Variants in ACTN1 observed in about 807,000 individuals in gnomAD.
ACTN1 encodes actinin alpha 1.
Under a neutral mutation model 119.6 loss-of-function variants are expected in ACTN1, and 30 were observed. The ratio of observed to expected loss-of-function variants is 0.25; its 90% CI spans 0.19 to 0.34. The LOEUF is 0.34. Ranked by LOEUF, ACTN1 falls within the 10% of genes least tolerant of loss-of-function variation. The probability of loss-of-function intolerance (pLI) is 1.00; values close to 1 mark genes in which losing one functional copy is unlikely to be tolerated. For missense variants in ACTN1, 764 were observed against 1,223.4 expected (o/e 0.62, Z 5.60); for synonymous variants, 429 against 472.6 (o/e 0.91, Z 1.20).
At chr14:68,881,794 C>T (rs2031534274) in intron 16 of ACTN1, among the ~76,000 whole-genome samples, 10 of 151,976 alleles carry the variant, frequency 6.6e-5, no homozygotes, top group Admixed American at 5.9e-4. Context: ...CTGGGAAGAT[C>T]AATCATTTTC....
At position 68,979,117 on chromosome 14, in the gene ACTN1, G is replaced by T; in HGVS notation, c.-61C>A. 2 of 1,047,816 alleles carry T rather than the reference G, an allele frequency of 1.9e-6. No homozygotes were observed. The highest frequency in any genetic ancestry group is 1.4e-6 in the Non-Finnish European group (1 of 725,856). The allele number at this position is 1,047,816 out of a possible 1,614,324, so 64.9% of individuals were successfully genotyped here. A position where few individuals can be genotyped will look rare whatever the true frequency, so the allele number is the denominator to read the frequency against. ...TCCACCTTCTCTCTGAGCAACGGCT[G>T]CTGCCCTGGCGTGGGGAGGGAGTAG... is the stretch of plus-strand genomic sequence containing the variant. On this transcript the variant is annotated 5_prime_UTR_variant, in exon 1 of 22. Coordinates refer to ENST00000394419, the MANE Select transcript of ACTN1 (RefSeq NM_001130004.2).
intron 10 of ACTN1, among the ~76,000 whole-genome samples, chr14:68,891,241 C>G (rs943258591): frequency 2.0e-5 from 3 of 152,164 alleles, no homozygotes; most frequent in Admixed American, 6.5e-5. Flanking sequence ...AAATTTCTTA[C>G]ATTTTCTTCT....
At chr14:68,952,093 G>A (rs2036190091) in intron 1 of ACTN1, among the ~76,000 whole-genome samples, 1 of 152,220 alleles carries the variant, frequency 6.6e-6, no homozygotes, top group Admixed American at 6.5e-5. Flanking sequence ...TGAGAGCTGA[G>A]GGAGGTCTGG....
At chr14:68,930,777 A>G (rs1053320521) in intron 1 of ACTN1, among the ~76,000 whole-genome samples, 3 of 152,242 alleles carry the variant, frequency 2.0e-5, no homozygotes, top group African/African-American at 7.2e-5. Flanking sequence ...TGGAGGAGTC[A>G]ATGAGACAGT....
chr14:68,962,373 A>G (rs541393057), intron 1 of ACTN1, among the ~76,000 whole-genome samples: 1 of 152,272 alleles, frequency 6.6e-6, no homozygotes, highest in East Asian at 1.9e-4. Context: ...AACCCACGGC[A>G]GTGATGGTTC....
chr14:68,903,408 G>A (rs1458499106), intron 7 of ACTN1, among the ~76,000 whole-genome samples: 2 of 151,930 alleles, frequency 1.3e-5, no homozygotes, highest in East Asian at 1.9e-4. Flanking sequence ...CCGGTGGTGG[G>A]TGCCTGTAAT....
At chr14:68,945,343 G>GT (rs1008495690) in intron 1 of ACTN1, among the ~76,000 whole-genome samples, 8 of 152,054 alleles carry the variant, frequency 5.3e-5, no homozygotes, top group African/African-American at 1.9e-4. Flanking sequence ...CCACATGGGT[G>GT]TTCGGGTTCC....
At chr14:68,943,924 C>T (rs964454092) in intron 1 of ACTN1, among the ~76,000 whole-genome samples, 3 of 152,178 alleles carry the variant, frequency 2.0e-5, no homozygotes, top group Non-Finnish European at 4.4e-5. Flanking sequence ...CTTCAGACTC[C>T]GTTCAGGCTG....
At chr14:68,978,783 A>C in intron 1 of ACTN1, 169 bp downstream of exon 1, 3 of 421,072 alleles carry the variant, frequency 7.1e-6, no homozygotes, top group Non-Finnish European at 4.1e-6. Flanking sequence ...CGCTTCCGCC[A>C]GGCGCCTGTA....
chr14:68,900,282 T>G (rs945520826), intron 8 of ACTN1, among the ~76,000 whole-genome samples: 2 of 152,076 alleles, frequency 1.3e-5, no homozygotes, highest in Non-Finnish European at 2.9e-5. Flanking sequence ...GCAGGATCAC[T>G]TTAGTAATCA....
At position 68,925,739 on chromosome 14, in the gene ACTN1, T is replaced by G; in HGVS notation, c.106-67A>C. ...TTGTCACCCTCATTGGACAAGCCATTTAATGGTGCCAGGGGGTGGGAGGTG... is the reference window on the plus strand; with the variant it reads ...TTGTCACCCTCATTGGACAAGCCATGTAATGGTGCCAGGGGGTGGGAGGTG... On this transcript the variant is annotated intron_variant, in intron 1 of 21. Transcript: ENST00000394419. The surrounding 1 kb of genome is among the most constrained non-coding windows in gnomAD (Gnocchi z 4.3). The G allele has an allele frequency of 7.5e-7, 1 of 1,324,824 alleles. No homozygotes were observed. Among genetic ancestry groups the G allele is most frequent in the Admixed American group, 1.8e-5 (1 of 54,992 alleles). 82.1% of individuals were successfully genotyped at this position (1,324,824 alleles called of 1,614,324 possible).
At position 68,921,070 on chromosome 14, in the gene ACTN1, G is replaced by A. The variant is rs780296951; in HGVS notation, c.276C>T (p.Asn92=). 21 of 1,614,064 alleles carry A rather than the reference G, an allele frequency of 1.3e-5. No homozygotes were observed. Among genetic ancestry groups the A allele is most frequent in the East Asian group, 8.9e-5 (4 of 44,892 alleles). Residue 92 remains asparagine, a synonymous_variant, in exon 3 of 22, where the codon AAC becomes AAT. Transcript: ENST00000394419. ...RGKMRVHKIS[N]VNKALDFIAS... is the part of the protein sequence containing the mutation. ...CTATGAAATCCAGGGCCTTGTTGAC[G>A]TTGGAGATCTTGTGCACTCTCATCT...
At chr14:68,899,926 T>C (rs948356839) in intron 8 of ACTN1, among the ~76,000 whole-genome samples, 8 of 152,046 alleles carry the variant, frequency 5.3e-5, no homozygotes. Flanking sequence ...GTTCACACCC[T>C]GGCTGCGAGG....
rs74883985 is a variant in ACTN1, at chr14:68,925,159, T to A, written c.220+399A>T. 2.6e-3 allele frequency among the ~76,000 whole-genome samples: 395 copies of A among 152,160 alleles called. No individual in the cohort carries two copies. Among genetic ancestry groups the A allele is most frequent in the Middle Eastern group, 3.4e-3 (1 of 294 alleles). On this transcript the variant is annotated intron_variant, in intron 2 of 21. Transcript: ENST00000394419. This position sits in a 1 kb window ranked among gnomAD's most constrained non-coding sequence, Gnocchi z 4.3. ...TCCAGTAGAGCTGTCCCTCCAGACA[T>A]CTGGACAAACCAGGGGCTGGGGAAT...
intron 1 of ACTN1, among the ~76,000 whole-genome samples, chr14:68,937,145 GCAGTCCATTTGATAC>G (rs1364415139): frequency 1.3e-5 from 2 of 151,514 alleles, no homozygotes; most frequent in African/African-American, 4.9e-5. Flanking sequence ...ACCCTCACTT[GCAGTCCATTTGATAC>G]CATTTGGCTC....
intron 6 of ACTN1, among the ~76,000 whole-genome samples, chr14:68,905,651 C>T (rs1019467075): frequency 6.6e-6 from 1 of 152,166 alleles, no homozygotes; most frequent in African/African-American, 2.4e-5. Context: ...CATGCTGCAA[C>T]ATGGATGAAC....
chr14:68,945,799 T>G (rs1366666765), intron 1 of ACTN1, among the ~76,000 whole-genome samples: 1 of 152,160 alleles, frequency 6.6e-6, no homozygotes, highest in Non-Finnish European at 1.5e-5. Flanking sequence ...AGCTCGCTGT[T>G]CACAGCAGTC....
At chr14:68,936,258 T>C (rs1400340333) in intron 1 of ACTN1, among the ~76,000 whole-genome samples, 1 of 152,098 alleles carries the variant, frequency 6.6e-6, no homozygotes, top group Admixed American at 6.5e-5. Flanking sequence ...ACTCAAAACA[T>C]ACTCAGTGTT....
In ACTN1 at chr14:68,885,965, C is replaced by T. The variant is rs905162117; in HGVS notation, c.1235-390G>A. 2.1e-4 allele frequency: 38 copies of T among 183,880 alleles called. No individual in the cohort carries two copies. The highest frequency in any genetic ancestry group is 1.4e-4 in the Non-Finnish European group (12 of 85,898). 11.4% of individuals were successfully genotyped at this position (183,880 alleles called of 1,614,324 possible). A position where few individuals can be genotyped will look rare whatever the true frequency, so the allele number is the denominator to read the frequency against. On this transcript the variant is annotated intron_variant, in intron 11 of 21. Coordinates refer to ENST00000394419, the MANE Select transcript of ACTN1 (RefSeq NM_001130004.2). The surrounding 1 kb of genome is among the most constrained non-coding windows in gnomAD (Gnocchi z 5.6). ...CTGCCTTTAGAATGTCCCCAGTTAC[C>T]GTCACTGGCTGCCGGCAGCCCTGCA... is the stretch of plus-strand genomic sequence containing the variant.
Sources: gnomAD v4.1 joint callset for allele counts (sites outside exome capture counted in the v4.1 genomes callset) on GRCh38, gnomAD v4.1.1 for gene constraint, Gnocchi (gnomAD v3.1) non-coding constraint, MANE v1.5 for transcripts, NCBI Gene and HGNC (gene_info 2026-07-23, HGNC 2026-07-21) for gene names.